The following EIF3CL variants were observed in gnomAD, a reference collection of about 807,000 sequenced individuals.
The protein encoded by EIF3CL is eukaryotic translation initiation factor 3 subunit C-like protein.
For missense variants in EIF3CL, 5 were observed against 56.1 expected, an observed-to-expected ratio of 0.09 and a Z score of 2.91; for synonymous variants, 2 against 19.6, an observed-to-expected ratio of 0.10 and a Z score of 2.37.
At chr16:28,418,205 G>T in the EIF3CL span, among the ~76,000 whole-genome samples, 2 of 142,090 alleles carry the variant, frequency 1.4e-5, no homozygotes, top group Non-Finnish European at 3.1e-5. Flanking sequence ...TGTTGCCCAG[G>T]CTGGAGGGCA....
the EIF3CL span, among the ~76,000 whole-genome samples, chr16:28,419,399 CAGTGTGG>C: frequency 6.7e-6 from 1 of 149,472 alleles, no homozygotes; most frequent in Non-Finnish European, 1.5e-5. Flanking sequence ...GTGGGAGAGC[CAGTGTGG>C]AGATTTGTCA....
At chr16:28,417,315 G>C in the EIF3CL span, among the ~76,000 whole-genome samples, 144 of 144,478 alleles carry the variant, frequency 1.0e-3, no homozygotes, top group African/African-American at 3.7e-3. Context: ...TCTGGGAGGT[G>C]TGCCCAACAG....
the EIF3CL span, among the ~76,000 whole-genome samples, chr16:28,417,052 C>A: frequency 3.2e-3 from 2 of 620 alleles, no homozygotes; most frequent in African/African-American, 0.012. Flanking sequence ...GCCGCCCCGC[C>A]CGGGAGGTGA....
the EIF3CL span, among the ~76,000 whole-genome samples, chr16:28,416,912 G>A: frequency 2.1e-5 from 2 of 93,612 alleles, no homozygotes; most frequent in Non-Finnish European, 4.6e-5. Context: ...CGCCCGGCCA[G>A]CCGCCCCGTC....
chr16:28,414,793 G>A, the EIF3CL span: 2 of 461,148 alleles, frequency 4.3e-6, no homozygotes, highest in South Asian at 3.2e-5. Context: ...ACCCGTGGAG[G>A]TGACGAGTTC....
the EIF3CL span, among the ~76,000 whole-genome samples, chr16:28,418,965 G>A: frequency 3.4e-5 from 5 of 148,020 alleles, no homozygotes; most frequent in Non-Finnish European, 4.5e-5. Context: ...TAGTCTCTGC[G>A]ACTCTCCAGG....
At chr16:28,422,565 G>A in the EIF3CL span, among the ~76,000 whole-genome samples, 2 of 140,402 alleles carry the variant, frequency 1.4e-5, no homozygotes, top group Admixed American at 7.5e-5. Context: ...GGGTGCAGTG[G>A]CTCAAGCCTG....
the EIF3CL span, among the ~76,000 whole-genome samples, chr16:28,415,556 C>T: frequency 1.5e-5 from 2 of 134,194 alleles, 1 homozygote; most frequent in African/African-American, 5.8e-5. Flanking sequence ...TGAAGACCAG[C>T]CTGGCCAACA....
the EIF3CL span, among the ~76,000 whole-genome samples, chr16:28,417,331 T>C: frequency 5.5e-5 from 8 of 144,926 alleles, no homozygotes; most frequent in South Asian, 1.7e-3. Context: ...AACAGCTCAT[T>C]GAGAACGGGC....
chr16:28,415,739 G>T, the EIF3CL span, among the ~76,000 whole-genome samples: 2 of 135,388 alleles, frequency 1.5e-5, no homozygotes, highest in African/African-American at 5.7e-5. Flanking sequence ...AACAGAGCGA[G>T]ACTCCGTCTC....
rs1209977692 is a variant in EIF3CL at position 28,396,667 on chromosome 16, CAAAAA to C, written c.776+3199_776+3203del. Among the ~76,000 whole-genome samples, 9 of 48,294 alleles carry C rather than the reference CAAAAA, an allele frequency of 1.9e-4. No homozygotes were observed. In the East Asian group the frequency reaches 2.2e-3, roughly 12 times the overall value. 31.7% of individuals were successfully genotyped at this position (48,294 alleles called of 152,430 possible). ...TGGGCGACAGTGCAAGACTCTGTCT[CAAAAA>C]AAAAAAAAAAAAAAAAAACTTTAAA... On this transcript the variant is annotated intron_variant, in intron 8 of 20. Coordinates refer to ENST00000380876, the MANE Select transcript of EIF3CL (RefSeq NM_001317857.2).
At chr16:28,414,496 G>A in the EIF3CL span, 2 of 232,236 alleles carry the variant, frequency 8.6e-6, no homozygotes, top group African/African-American at 2.6e-5. Flanking sequence ...TGATCTAGAG[G>A]TGCAGGAGAA....
the EIF3CL span, among the ~76,000 whole-genome samples, chr16:28,424,086 C>G: frequency 6.7e-6 from 1 of 148,444 alleles, no homozygotes; most frequent in Non-Finnish European, 1.5e-5. Context: ...CTCCCAGGTT[C>G]ACGCCATTCT....
the EIF3CL span, among the ~76,000 whole-genome samples, chr16:28,416,903 G>T: frequency 1.4e-5 from 1 of 70,918 alleles, no homozygotes; most frequent in Non-Finnish European, 2.9e-5. Flanking sequence ...CAGCCCCCCC[G>T]CCCGGCCAGC....
At chr16:28,416,946 C>T in the EIF3CL span, among the ~76,000 whole-genome samples, 4 of 97,488 alleles carry the variant, frequency 4.1e-5, no homozygotes, top group South Asian at 1.1e-3. Context: ...GCGCCTCTGC[C>T]CGGCCGCCCC....
rs544294116 is a variant in EIF3CL at position 28,382,203 on chromosome 16, G to A, written c.2185+915C>T. ...CCAGTCTGGGCAACAGTGAGGCTCC[G>A]TCTCAAAAAAAAAAAAAAAGAAAGA... On this transcript the variant is annotated intron_variant, in intron 16 of 20. Coordinates refer to ENST00000380876, the MANE Select transcript of EIF3CL (RefSeq NM_001317857.2). 1.1e-4 allele frequency among the ~76,000 whole-genome samples: 9 copies of A among 82,744 alleles called. No homozygotes were observed. In the East Asian group the frequency reaches 2.1e-3, roughly 19 times the overall value. The allele number at this position is 82,744 out of a possible 152,430, so 54.3% of individuals were successfully genotyped here.
the EIF3CL span, chr16:28,414,600 T>G: frequency 3.8e-6 from 1 of 265,962 alleles, no homozygotes; most frequent in South Asian, 3.0e-5. Flanking sequence ...CCGGGTCTGC[T>G]TCTGGCAGTT....
chr16:28,417,176 G>T, the EIF3CL span, among the ~76,000 whole-genome samples: 2 of 144,512 alleles, frequency 1.4e-5, no homozygotes, highest in African/African-American at 5.3e-5. Flanking sequence ...CAGCCGCCCC[G>T]TCCGGGAGGG....
the EIF3CL span, among the ~76,000 whole-genome samples, chr16:28,418,056 A>G: frequency 1.5e-4 from 23 of 151,090 alleles, no homozygotes; most frequent in South Asian, 4.6e-3. Context: ...AAAAAAAAAA[A>G]AAGATAGTAG....
Sources: gnomAD v4.1 joint callset for allele counts (sites outside exome capture counted in the v4.1 genomes callset) on GRCh38, gnomAD v4.1.1 for gene constraint, MANE v1.5 for transcripts, NCBI Gene and HGNC (gene_info 2026-07-23, HGNC 2026-07-21) for gene names.